The following RBBP4 variants were observed in gnomAD, a reference collection of about 807,000 sequenced individuals.
RBBP4 encodes the protein RB binding protein 4, chromatin remodeling factor.
Under a neutral mutation model 57.2 loss-of-function variants are expected in RBBP4, and 3 were observed. The ratio of observed to expected loss-of-function variants is 0.05; its 90% CI spans 0.02 to 0.14. The LOEUF (loss-of-function observed/expected upper bound fraction) is 0.14. Among genes scored for constraint, RBBP4 ranks in the 10% least tolerant of loss-of-function variants. RBBP4 has a pLI of 1.00. For synonymous variants in RBBP4, 151 were observed against 171.5 expected (o/e 0.88, Z 0.93); for missense variants, 107 against 520.6 (o/e 0.21, Z 7.73).
At chr1:32,659,146 A>G (rs1395994034) in intron 3 of RBBP4, among the ~76,000 whole-genome samples, 8 of 147,710 alleles carry the variant, frequency 5.4e-5, no homozygotes, top group Non-Finnish European at 8.9e-5. Context: ...TTTTATATAT[A>G]TAAAATATAT....
intron 3 of RBBP4, among the ~76,000 whole-genome samples, chr1:32,658,903 ATGTGTAAT>A (rs1648266243): frequency 1.4e-5 from 2 of 146,206 alleles, no homozygotes; most frequent in Admixed American, 1.4e-4. Flanking sequence ...GTAAAATTAT[ATGTGTAAT>A]TTTACACAAT....
chr1:32,660,570 C>T (rs1424496152), intron 3 of RBBP4, among the ~76,000 whole-genome samples: 1 of 145,770 alleles, frequency 6.9e-6, no homozygotes, highest in African/African-American at 2.5e-5. Context: ...GCGCCCACCA[C>T]CACACCCAGA....
chr1:32,668,091 A>C, intron 3 of RBBP4, 134 bp from the exon 4 acceptor site: 1 of 780,792 alleles, frequency 1.3e-6, no homozygotes, highest in Non-Finnish European at 2.0e-6. Context: ...TAGTGCTAGC[A>C]AATGTATAGA....
intron 2 of RBBP4, among the ~76,000 whole-genome samples, chr1:32,656,375 CAG>C (rs1332359463): frequency 2.0e-5 from 3 of 151,418 alleles, no homozygotes; most frequent in Non-Finnish European, 2.9e-5. Flanking sequence ...TTTTTTGAGA[CAG>C]AGTCTTGCTC....
chr1:32,661,836 G>GTTTTGAGAAGTGTCTGTTCATGTCCT (rs1648426469), intron 3 of RBBP4, among the ~76,000 whole-genome samples: 1 of 95,610 alleles, frequency 1.0e-5, no homozygotes, highest in South Asian at 3.4e-4. Flanking sequence ...GCTTATATGT[G>GTTTTGAGAAGTGTCTGTTCATGTCCT]TTTTGAGAAG....
chr1:32,674,033 G>A (rs547280386), intron 11 of RBBP4, among the ~76,000 whole-genome samples: 6 of 152,192 alleles, frequency 3.9e-5, no homozygotes, highest in Admixed American at 6.5e-5. Context: ...CACGGGAGGC[G>A]GAGCTTGCAT....
chr1:32,664,012 C>T (rs902813364), intron 3 of RBBP4, among the ~76,000 whole-genome samples: 6 of 147,650 alleles, frequency 4.1e-5, no homozygotes, highest in African/African-American at 2.5e-5. Context: ...CTGCAAGCTC[C>T]GCCTCCTGGG....
At position 32,685,165 on chromosome 1, in the gene RBBP4, A is replaced by G. The variant is rs1570897177; in HGVS notation, c.*5460A>G. The G allele has an allele frequency of 6.6e-6, 1 of 152,184 alleles. No homozygotes were observed. The highest frequency in any genetic ancestry group is 1.9e-4 in the East Asian group (1 of 5,196). The allele number at this position is 152,184 out of a possible 1,614,324, so 9.4% of individuals were successfully genotyped here. On this transcript the variant is annotated 3_prime_UTR_variant, in exon 12 of 12. Transcript: ENST00000373493. ...GTGCCCAGCTTATCCTTTTTTCATT[A>G]CACAAAAAGACTGAATTTGGTTAGT...
intron 2 of RBBP4, chr1:32,652,308 T>C (rs1647804465): frequency 4.6e-6 from 2 of 430,176 alleles, no homozygotes; most frequent in South Asian, 6.8e-5. Flanking sequence ...TGATAATACC[T>C]GTAATAATAG....
chr1:32,670,826 A>C lies in RBBP4; in HGVS notation c.966+1263A>C, dbSNP rs539604814. Among the ~76,000 whole-genome samples, 15 of 152,302 alleles carry C rather than the reference A, an allele frequency of 9.8e-5. No individual in the cohort carries two copies. In the South Asian group the frequency reaches 3.1e-3, roughly 32 times the overall value. ...AAGTGTTATGAACCTGAGGGTGGTA[A>C]AGATTAATTCTGGTGTGTGAAGGTG... is the stretch of plus-strand genomic sequence containing the variant. On this transcript the variant is annotated intron_variant, in intron 8 of 11. Coordinates refer to ENST00000373493, the MANE Select transcript of RBBP4 (RefSeq NM_005610.3).
At chr1:32,679,062 C>T (rs1369104184) in intron 11 of RBBP4, among the ~76,000 whole-genome samples, 3 of 151,998 alleles carry the variant, frequency 2.0e-5, no homozygotes, top group Non-Finnish European at 4.4e-5. Context: ...TTTGAGAGGC[C>T]GAGGTGGGCA....
intron 3 of RBBP4, among the ~76,000 whole-genome samples, chr1:32,665,320 T>G (rs948839960): frequency 2.6e-5 from 4 of 152,206 alleles, no homozygotes; most frequent in Non-Finnish European, 5.9e-5. Context: ...TTGAAAGTTA[T>G]CTAATACGCC....
Position 32,665,678 on chromosome 1 carries a change from TA to T in RBBP4, c.311-2530del, listed in dbSNP as rs57130788. ...GGGTGACAGAGCAAGACCCTGTCTTTAAAAAAAAAAAAAAAAAGCACTATAT... is the reference window on the plus strand; with the variant it reads ...GGGTGACAGAGCAAGACCCTGTCTTTAAAAAAAAAAAAAAAAGCACTATAT... On this transcript the variant is annotated intron_variant, in intron 3 of 11. Coordinates refer to ENST00000373493, the MANE Select transcript of RBBP4 (RefSeq NM_005610.3). Among the ~76,000 whole-genome samples the T allele has an allele frequency of 1.2e-3, 161 of 136,482 alleles. 1 individual carries two copies. The highest frequency in any genetic ancestry group is 1.9e-3 in the African/African-American group (71 of 36,654). 89.5% of individuals were successfully genotyped at this position (136,482 alleles called of 152,430 possible). A position where few individuals can be genotyped will look rare whatever the true frequency, so the allele number is the denominator to read the frequency against.
At chr1:32,660,050 AGAG>A (rs1389208232) in intron 3 of RBBP4, among the ~76,000 whole-genome samples, 1 of 152,234 alleles carries the variant, frequency 6.6e-6, no homozygotes, top group Non-Finnish European at 1.5e-5. Flanking sequence ...TGGACTCAGT[AGAG>A]TTCATTCTCA....
intron 3 of RBBP4, among the ~76,000 whole-genome samples, chr1:32,664,631 T>C (rs924417005): frequency 6.6e-6 from 1 of 152,130 alleles, no homozygotes; most frequent in African/African-American, 2.4e-5. Flanking sequence ...TTTTGTATTT[T>C]TAGTAGAGAT....
At chr1:32,657,245 T>C (rs1341665507) in intron 2 of RBBP4, among the ~76,000 whole-genome samples, 182 bp from the exon 3 acceptor site, 1 of 152,212 alleles carries the variant, frequency 6.6e-6, no homozygotes, top group Non-Finnish European at 1.5e-5. Context: ...CACTCCATTC[T>C]AGCCTGGGCG....
At chr1:32,677,695 GTC>G (rs1649163999) in intron 11 of RBBP4, among the ~76,000 whole-genome samples, 1 of 49,112 alleles carries the variant, frequency 2.0e-5, no homozygotes, top group Admixed American at 2.9e-4. Context: ...TTCAGATAGT[GTC>G]AGAATAGGAT....
intron 11 of RBBP4, among the ~76,000 whole-genome samples, chr1:32,678,352 A>G (rs1173203082): frequency 6.6e-6 from 1 of 151,582 alleles, no homozygotes; most frequent in Admixed American, 6.6e-5. Flanking sequence ...TTAGCCTCCC[A>G]AATAGCTGGG....
intron 2 of RBBP4, among the ~76,000 whole-genome samples, 154 bp from the exon 3 acceptor site, chr1:32,657,273 T>C (rs1041615393): frequency 1.3e-5 from 2 of 151,960 alleles, no homozygotes; most frequent in Non-Finnish European, 2.9e-5. Flanking sequence ...GAGACTCTAT[T>C]TATAAAAAAA....
Sources: gnomAD v4.1 joint callset for allele counts (sites outside exome capture counted in the v4.1 genomes callset) on GRCh38, gnomAD v4.1.1 for gene constraint, MANE v1.5 for transcripts, NCBI Gene and HGNC (gene_info 2026-07-23, HGNC 2026-07-21) for gene names.